Variants in BNC2 observed in about 807,000 individuals in gnomAD.
BNC2 encodes basonuclin zinc finger protein 2, also known as zinc finger protein basonuclin-2.
A neutral mutation model predicts 76.3 loss-of-function variants in BNC2; 20 were observed. The observed-to-expected ratio is 0.26, with a 90% confidence interval of 0.18 to 0.38. The LOEUF (loss-of-function observed/expected upper bound fraction) is 0.38. Among genes scored for constraint, BNC2 ranks in the 10% least tolerant of loss-of-function variants. The pLI is 1.00. For synonymous variants in BNC2, 582 were observed against 514.8 expected (o/e 1.13, Z -1.77); for missense variants, 1,382 against 1,399.8 (o/e 0.99, Z 0.20).
chr9:16,770,211 G>C (rs1052576213), intron 1 of BNC2, among the ~76,000 whole-genome samples: 5 of 152,144 alleles, frequency 3.3e-5, no homozygotes, highest in Non-Finnish European at 7.3e-5. Context: ...AGATACAGGA[G>C]AGTTGACAGT....
At chr9:16,698,047 C>T (rs1016644099) in intron 3 of BNC2, among the ~76,000 whole-genome samples, 28 of 152,142 alleles carry the variant, frequency 1.8e-4, no homozygotes, top group African/African-American at 6.8e-4. Context: ...TATCCTGCTG[C>T]CTACTTTTGT....
At chr9:16,869,632 G>A (rs576141503) in intron 1 of BNC2, among the ~76,000 whole-genome samples, 26 of 152,312 alleles carry the variant, frequency 1.7e-4, no homozygotes, top group East Asian at 3.9e-4. Flanking sequence ...GCGACGCTGG[G>A]AGGAAGCAAA....
chr9:16,535,242 C>A (rs574094968), intron 5 of BNC2, among the ~76,000 whole-genome samples: 5 of 152,140 alleles, frequency 3.3e-5, no homozygotes, highest in Admixed American at 1.3e-4. Flanking sequence ...CACATCTTTG[C>A]AAGGCTGATG....
intron 5 of BNC2, among the ~76,000 whole-genome samples, chr9:16,502,549 T>C (rs919210373): frequency 2.0e-5 from 3 of 151,198 alleles, no homozygotes; most frequent in Non-Finnish European, 4.4e-5. Context: ...GTTTTGTCTT[T>C]TTTCCCCCCC....
intron 3 of BNC2, among the ~76,000 whole-genome samples, chr9:16,710,567 G>A (rs887715580): frequency 6.6e-6 from 1 of 152,296 alleles, no homozygotes; most frequent in East Asian, 1.9e-4. Context: ...TGTGTTTGCA[G>A]TGGGAATTAT....
chr9:16,693,604 T>C (rs4961734), intron 3 of BNC2, among the ~76,000 whole-genome samples: 91,264 of 151,532 alleles, frequency 0.6, 31,161 homozygotes, highest in Non-Finnish European at 0.79. Context: ...AAAGGAACCA[T>C]AAGACAAAAG....
chr9:16,503,829 G>A (rs540625049), intron 5 of BNC2, among the ~76,000 whole-genome samples: 10 of 152,218 alleles, frequency 6.6e-5, no homozygotes, highest in African/African-American at 1.4e-4. Context: ...TAGCAATTAT[G>A]TGGGCCTCTT....
chr9:16,543,014 C>T (rs73417466), intron 5 of BNC2, among the ~76,000 whole-genome samples: 8,405 of 152,086 alleles, frequency 0.055, 815 homozygotes, highest in African/African-American at 0.19. Context: ...TGTACAAGTC[C>T]CCCTCATCTT....
chr9:16,492,607 G>A (rs971954867), intron 5 of BNC2, among the ~76,000 whole-genome samples: 1 of 152,036 alleles, frequency 6.6e-6, no homozygotes, highest in African/African-American at 2.4e-5. Context: ...TTCCTGCTGT[G>A]ATGTATGGTC....
chr9:16,659,384 C>T (rs376358520), intron 3 of BNC2, among the ~76,000 whole-genome samples: 64 of 152,072 alleles, frequency 4.2e-4, no homozygotes, highest in Admixed American at 3.3e-4. Context: ...CCGAGGTGGG[C>T]AGATCAGGAG....
intron 1 of BNC2, among the ~76,000 whole-genome samples, chr9:16,747,070 C>T (rs1275573280): frequency 6.6e-6 from 1 of 151,950 alleles, no homozygotes; most frequent in Non-Finnish European, 1.5e-5. Flanking sequence ...CAAAATATCA[C>T]ACCACGCAAA....
At chr9:16,780,510 T>C (rs1006068776) in intron 1 of BNC2, among the ~76,000 whole-genome samples, 3 of 150,572 alleles carry the variant, frequency 2.0e-5, no homozygotes, top group African/African-American at 7.4e-5. Context: ...AGGCGGAGGC[T>C]GCAGTGAGCC....
intron 3 of BNC2, among the ~76,000 whole-genome samples, chr9:16,600,340 ATG>A (rs1286960165): frequency 6.6e-6 from 1 of 152,194 alleles, no homozygotes; most frequent in African/African-American, 2.4e-5. Context: ...TATCCAATAA[ATG>A]TGAGGCTATT....
intron 5 of BNC2, among the ~76,000 whole-genome samples, chr9:16,451,842 C>T (rs1821346795): frequency 6.6e-6 from 1 of 152,140 alleles, no homozygotes; most frequent in Admixed American, 6.6e-5. Flanking sequence ...CTTGATATCC[C>T]CACTGCCAAG....
chr9:16,523,018 T>C (rs1817668994), intron 5 of BNC2, among the ~76,000 whole-genome samples: 1 of 152,156 alleles, frequency 6.6e-6, no homozygotes, highest in African/African-American at 2.4e-5. Context: ...ATTTAATTAT[T>C]CACTCAATCA....
chr9:16,597,963 G>T (rs2133258093), intron 3 of BNC2, among the ~76,000 whole-genome samples: 1 of 152,206 alleles, frequency 6.6e-6, no homozygotes, highest in East Asian at 1.9e-4. Flanking sequence ...CTGCAAATCA[G>T]TAATTTGTCT....
At chr9:16,759,298 G>A (rs2135365444) in intron 1 of BNC2, among the ~76,000 whole-genome samples, 1 of 152,260 alleles carries the variant, frequency 6.6e-6, no homozygotes, top group East Asian at 1.9e-4. Flanking sequence ...AGAAGTCAAG[G>A]ACCACAAATT....
intron 1 of BNC2, among the ~76,000 whole-genome samples, chr9:16,790,495 A>G (rs1422200863): frequency 1.3e-5 from 2 of 152,250 alleles, no homozygotes; most frequent in East Asian, 3.8e-4. Flanking sequence ...AGTAGTTTCA[A>G]TGGGAATGCC....
intron 1 of BNC2, among the ~76,000 whole-genome samples, chr9:16,785,046 A>G (rs937041048): frequency 7.2e-5 from 11 of 152,246 alleles, no homozygotes; most frequent in African/African-American, 2.7e-4. Context: ...TGCTTATGCT[A>G]CAAAGCATTT....
Sources: gnomAD v4.1 joint callset for allele counts (sites outside exome capture counted in the v4.1 genomes callset) on GRCh38, gnomAD v4.1.1 for gene constraint, MANE v1.5 for transcripts, NCBI Gene and HGNC (gene_info 2026-07-23, HGNC 2026-07-21) for gene names.